PTPRD: variants seen among roughly 807,000 people sequenced by gnomAD.
The protein encoded by PTPRD is protein tyrosine phosphatase receptor type D.
PTPRD carries 34 observed loss-of-function variants against 214.5 expected under a neutral mutation model. The ratio of observed to expected loss-of-function variants is 0.16; its 90% confidence interval spans 0.12 to 0.21. The LOEUF is 0.21. PTPRD is among the 10% of genes least tolerant of loss of function. The pLI, the probability that PTPRD is intolerant of heterozygous loss-of-function variation, is 1.00. For missense variants in PTPRD, 2,545 were observed against 2,398.7 expected (o/e 1.06, Z -1.27); for synonymous variants, 1,128 against 845.7 (o/e 1.33, Z -5.79).
chr9:10,219,930 G>A (rs532888226), intron 3 of PTPRD, among the ~76,000 whole-genome samples: 30 of 151,744 alleles, frequency 2.0e-4, no homozygotes, highest in African/African-American at 6.8e-4. Context: ...GAGCTACATT[G>A]TTATATACAA....
intron 9 of PTPRD, among the ~76,000 whole-genome samples, chr9:9,300,575 G>A (rs1329701126): frequency 1.3e-5 from 2 of 151,714 alleles, no homozygotes; most frequent in African/African-American, 4.8e-5. Context: ...AGGTAATTAA[G>A]TCATGAAGGT....
chr9:8,723,500 A>G (rs930032999), intron 12 of PTPRD, among the ~76,000 whole-genome samples: 12 of 152,294 alleles, frequency 7.9e-5, no homozygotes, highest in African/African-American at 2.4e-4. Flanking sequence ...CATCCCAACT[A>G]GAATATAAAG....
At chr9:8,875,843 C>T (rs963615521) in intron 11 of PTPRD, among the ~76,000 whole-genome samples, 1 of 152,136 alleles carries the variant, frequency 6.6e-6, no homozygotes, top group African/African-American at 2.4e-5. Context: ...CTTAACTTCT[C>T]TGAGCCCTGC....
At chr9:8,551,872 A>C (rs914327686) in intron 14 of PTPRD, among the ~76,000 whole-genome samples, 1 of 152,224 alleles carries the variant, frequency 6.6e-6, no homozygotes, top group African/African-American at 2.4e-5. Context: ...CAAACCAGAA[A>C]TGTGATCCAG....
intron 19 of PTPRD, among the ~76,000 whole-genome samples, chr9:8,522,521 A>G (rs564931119): frequency 1.3e-5 from 2 of 152,322 alleles, no homozygotes; most frequent in African/African-American, 4.8e-5. Flanking sequence ...AAAATCTTTT[A>G]AAAGGCTTTT....
chr9:10,360,417 T>C (rs1402681423), intron 2 of PTPRD, among the ~76,000 whole-genome samples: 1 of 152,244 alleles, frequency 6.6e-6, no homozygotes, highest in African/African-American at 2.4e-5. Flanking sequence ...CTGCAGGGCA[T>C]GTCATTGTCT....
At chr9:10,267,120 G>A (rs2094120888) in intron 3 of PTPRD, among the ~76,000 whole-genome samples, 1 of 151,186 alleles carries the variant, frequency 6.6e-6, no homozygotes, top group African/African-American at 2.4e-5. Flanking sequence ...GAACTCGGGG[G>A]GCAGAGGTTG....
intron 10 of PTPRD, among the ~76,000 whole-genome samples, chr9:9,100,895 C>T (rs974882593): frequency 4.6e-5 from 7 of 151,996 alleles, no homozygotes; most frequent in African/African-American, 1.7e-4. Flanking sequence ...TGTGTATAAT[C>T]ATAAACAGAA....
chr9:8,413,924 T>C (rs2093705995), intron 35 of PTPRD, among the ~76,000 whole-genome samples: 1 of 152,116 alleles, frequency 6.6e-6, no homozygotes. Context: ...AAAAAATCAG[T>C]ACATTGATGA....
chr9:9,157,913 C>A (rs564760528), intron 10 of PTPRD, among the ~76,000 whole-genome samples: 1 of 152,110 alleles, frequency 6.6e-6, no homozygotes, highest in African/African-American at 2.4e-5. Context: ...TTATTTCCCA[C>A]TGTGTGTTCA....
intron 36 of PTPRD, among the ~76,000 whole-genome samples, chr9:8,400,151 C>T (rs1472807705): frequency 6.6e-6 from 1 of 152,182 alleles, no homozygotes; most frequent in Non-Finnish European, 1.5e-5. Flanking sequence ...TATAATCCTA[C>T]TAATGGAAAC....
chr9:9,809,046 A>G (rs1207920698), intron 5 of PTPRD, among the ~76,000 whole-genome samples: 2 of 151,618 alleles, frequency 1.3e-5, no homozygotes, highest in Non-Finnish European at 2.9e-5. Flanking sequence ...TTAGTCTCAC[A>G]GAGACCTAGG....
intron 8 of PTPRD, among the ~76,000 whole-genome samples, chr9:9,497,612 T>TCAA (rs2096248673): frequency 6.6e-6 from 1 of 152,148 alleles, no homozygotes; most frequent in South Asian, 2.1e-4. Context: ...TTTGTCCATG[T>TCAA]CAACGATCAC....
intron 8 of PTPRD, among the ~76,000 whole-genome samples, chr9:9,441,002 G>T (rs1456840377): frequency 6.6e-6 from 1 of 152,188 alleles, no homozygotes; most frequent in Non-Finnish European, 1.5e-5. Context: ...TCTACAGAAA[G>T]TTCCAGAGCT....
At chr9:8,725,123 T>C (rs1413535506) in intron 12 of PTPRD, among the ~76,000 whole-genome samples, 3 of 152,314 alleles carry the variant, frequency 2.0e-5, no homozygotes, top group South Asian at 4.1e-4. Flanking sequence ...AATTCCTGTA[T>C]GATTGTTGTA....
intron 7 of PTPRD, among the ~76,000 whole-genome samples, chr9:9,647,629 GC>G (rs1564292399): frequency 2.6e-5 from 4 of 152,148 alleles, no homozygotes; most frequent in African/African-American, 4.8e-5. Context: ...CTCAGGGGAA[GC>G]CTGTTTTCCC....
At chr9:10,592,084 GAAC>G (rs1170121404) in intron 2 of PTPRD, among the ~76,000 whole-genome samples, 5 of 152,044 alleles carry the variant, frequency 3.3e-5, no homozygotes, top group Non-Finnish European at 7.4e-5. Flanking sequence ...GCCTAACCTA[GAAC>G]AAAACACAGA....
At chr9:8,512,276 C>A (rs2137941613) in intron 21 of PTPRD, among the ~76,000 whole-genome samples, 1 of 152,126 alleles carries the variant, frequency 6.6e-6, no homozygotes, top group East Asian at 1.9e-4. Context: ...ACAAATATAT[C>A]ATTGACAAAA....
intron 8 of PTPRD, among the ~76,000 whole-genome samples, chr9:9,446,830 G>T (rs1044127023): frequency 6.6e-6 from 1 of 151,882 alleles, no homozygotes. Context: ...AAAAGGAAAA[G>T]AACCACATTA....
Sources: allele counts gnomAD v4.1 joint callset (sites outside exome capture counted in the v4.1 genomes callset), GRCh38; gene constraint gnomAD v4.1.1; transcripts MANE v1.5; gene names NCBI Gene and HGNC (gene_info 2026-07-23, HGNC 2026-07-21).